ATP2B4: variants seen among roughly 807,000 people sequenced by gnomAD.
ATP2B4 encodes plasma membrane calcium-transporting ATPase 4.
ATP2B4 carries 39 observed loss-of-function variants against 110.3 expected under a neutral mutation model. That is an observed-to-expected ratio of 0.35 (90% CI 0.27 to 0.46). ATP2B4 has a LOEUF of 0.46. ATP2B4 is among the 20% of genes least tolerant of loss of function. The pLI, the probability that ATP2B4 is intolerant of heterozygous loss-of-function variation, is 1.00. For synonymous variants in ATP2B4, 538 were observed against 571.7 expected, an observed-to-expected ratio of 0.94 and a Z score of 0.84; for missense variants, 1,135 against 1,530.9, an observed-to-expected ratio of 0.74 and a Z score of 4.32.
Position 203,739,550 on chromosome 1 carries a change from A to G in ATP2B4, c.3314A>G (p.Lys1105Arg). The G allele has an allele frequency of 3.1e-6, 5 of 1,613,026 alleles. No individual in the cohort carries two copies. The highest frequency in any genetic ancestry group is 4.2e-6 in the Non-Finnish European group (5 of 1,179,380). ...CTTTTCCTTCCCCTGGTATAGATCA[A>G]AGTGGTCAAAGCGTTCCATAGTTCC... ...RGLNRIQTQI[K>R]VVKAFHSSLH... The change falls in exon 21 of 21, where the codon AAA becomes AGA. Residue 1105 changes from lysine (K) to arginine (R), a missense_variant. Around this residue, in one of 9 missense-constraint regions of ATP2B4, gnomAD observed 61 missense variants for 123.4 expected, o/e 0.49. Coordinates refer to ENST00000357681, the MANE Select transcript of ATP2B4 (RefSeq NM_001684.5).
Position 203,682,952 on chromosome 1 carries a change from G to A in ATP2B4, c.-254G>A, listed in dbSNP as rs573934596. ...CTGGGGACACCAATCATCGTGACAC[G>A]GAGTCCACCTTCCACTCAGTTCCCC... On this transcript the variant is annotated 5_prime_UTR_variant, in exon 2 of 21. Transcript: ENST00000357681. The A allele has an allele frequency of 1.7e-5, 7 of 402,530 alleles. No individual in the cohort carries two copies. The highest frequency in any genetic ancestry group is 8.0e-5 in the African/African-American group (4 of 49,798). The allele number at this position is 402,530 out of a possible 1,614,324, so 24.9% of individuals were successfully genotyped here.
At chr1:203,634,494 T>G (rs905142464) in intron 1 of ATP2B4, among the ~76,000 whole-genome samples, 6 of 152,090 alleles carry the variant, frequency 3.9e-5, no homozygotes, top group Non-Finnish European at 7.4e-5. Context: ...AGTGCCAGAC[T>G]GGAACTTTAA....
chr1:203,658,646 A>G (rs1338499063), intron 1 of ATP2B4, among the ~76,000 whole-genome samples: 2 of 152,198 alleles, frequency 1.3e-5, no homozygotes, highest in Admixed American at 6.5e-5. Flanking sequence ...CAGAAATATA[A>G]CAATGTCTAA....
chr1:203,698,360 T>C lies in ATP2B4; in HGVS notation c.391+6T>C. 1 of 1,613,760 alleles carries C rather than the reference T, an allele frequency of 6.2e-7. No individual in the cohort carries two copies. The highest frequency in any genetic ancestry group is 2.2e-5 in the East Asian group (1 of 44,856). ...TGCTGGTGAAGAAAATGAACGTGAGTGTCCTAAACAGCTCAGCGTGACTCT... is the reference window on the plus strand; with the variant it reads ...TGCTGGTGAAGAAAATGAACGTGAGCGTCCTAAACAGCTCAGCGTGACTCT... On this transcript the variant is annotated splice_donor_region_variant and intron_variant, in intron 3 of 20. Transcript: ENST00000357681.
chr1:203,679,060 T>C (rs1664917754), intron 1 of ATP2B4, among the ~76,000 whole-genome samples: 2 of 152,134 alleles, frequency 1.3e-5, no homozygotes, highest in Admixed American at 1.3e-4. Flanking sequence ...TTCTATCCTA[T>C]CATCTCTTAG....
At chr1:203,633,713 GATAAATAA>G (rs59277643) in intron 1 of ATP2B4, among the ~76,000 whole-genome samples, 34 of 144,468 alleles carry the variant, frequency 2.4e-4, no homozygotes, top group African/African-American at 4.8e-4. Flanking sequence ...CTCCATATCA[GATAAATAA>G]ATAAATAAAT....
chr1:203,698,562 C>T lies in ATP2B4; in HGVS notation c.391+208C>T, dbSNP rs1665601761. Reference sequence around the variant, plus strand: ...CAAGGGTTCCTCCCCACCCCACCCTCACCCTCTGTCTTCTATTAAATCCTT... The same window carrying T: ...CAAGGGTTCCTCCCCACCCCACCCTTACCCTCTGTCTTCTATTAAATCCTT... On this transcript the variant is annotated intron_variant, in intron 3 of 20. Coordinates refer to ENST00000357681, the MANE Select transcript of ATP2B4 (RefSeq NM_001684.5). 2.0e-5 allele frequency among the ~76,000 whole-genome samples: 3 copies of T among 152,158 alleles called. No homozygotes were observed. In the South Asian group the frequency reaches 6.2e-4, roughly 31 times the overall value.
In ATP2B4 at chr1:203,732,396, T is replaced by C. The variant is rs527610097; in HGVS notation, c.3309+4825T>C. ...AATGCATTAATGCACTTAGTAGCAT[T>C]CTCGATAGTGGGCTTGGCCACTGGG... On this transcript the variant is annotated intron_variant, in intron 20 of 20. Transcript: ENST00000357681. Among the ~76,000 whole-genome samples the C allele has an allele frequency of 1.2e-4, 19 of 152,206 alleles. No individual in the cohort carries two copies. In the South Asian group the frequency reaches 3.5e-3, roughly 28 times the overall value.
chr1:203,651,929 G>A (rs1664009477), intron 1 of ATP2B4, among the ~76,000 whole-genome samples: 2 of 150,670 alleles, frequency 1.3e-5, no homozygotes. Flanking sequence ...GCATGGTGGT[G>A]GGACGCCTGT....
intron 1 of ATP2B4, among the ~76,000 whole-genome samples, chr1:203,633,649 G>T (rs984961256): frequency 6.6e-6 from 1 of 151,320 alleles, no homozygotes; most frequent in Admixed American, 6.6e-5. Context: ...GGAGGCAGAG[G>T]TTGCAGTAAG....
At chr1:203,655,035 G>T (rs1417857882) in intron 1 of ATP2B4, among the ~76,000 whole-genome samples, 1 of 152,192 alleles carries the variant, frequency 6.6e-6, no homozygotes, top group East Asian at 1.9e-4. Context: ...GGAAATAACT[G>T]TAGATGTGGT....
intron 1 of ATP2B4, among the ~76,000 whole-genome samples, chr1:203,634,965 C>CATTT (rs1210042249): frequency 6.6e-5 from 10 of 151,846 alleles, no homozygotes; most frequent in African/African-American, 2.4e-5. Flanking sequence ...CACCCGGCCC[C>CATTT]ATTTATTTAT....
At position 203,707,888 on chromosome 1, in the gene ATP2B4, A is replaced by G. The variant is rs1377382476; in HGVS notation, c.1341A>G (p.Val447=). The change falls in exon 10 of 21, where the codon GTA becomes GTG. Residue 447 remains valine (V), a synonymous_variant. Transcript: ENST00000357681. ...VKKMMKDNNL[V]RHLDACETMG... Reference sequence around the variant, plus strand: ...AAATGATGAAAGACAATAACCTAGTACGGCACTTGGATGCTTGTGAGACCA... The same window carrying G: ...AAATGATGAAAGACAATAACCTAGTGCGGCACTTGGATGCTTGTGAGACCA... 2 of 1,614,166 alleles carry G rather than the reference A, an allele frequency of 1.2e-6. No individual in the cohort carries two copies. Among genetic ancestry groups the G allele is most frequent in the Admixed American group, 3.3e-5 (2 of 60,032 alleles).
chr1:203,698,082 C>T, intron 2 of ATP2B4, 75 bp from the exon 3 acceptor site: 1 of 1,311,364 alleles, frequency 7.6e-7, no homozygotes, highest in South Asian at 1.2e-5. Context: ...TCATGGCTCA[C>T]TGCCACTTCA....
chr1:203,665,973 C>G (rs1351743439), intron 1 of ATP2B4, among the ~76,000 whole-genome samples: 1 of 152,152 alleles, frequency 6.6e-6, no homozygotes, highest in Non-Finnish European at 1.5e-5. Context: ...GACATGCTCC[C>G]TGAAAAGACC....
intron 15 of ATP2B4, 138 bp from the exon 16 acceptor site, chr1:203,720,411 C>A: frequency 2.5e-6 from 2 of 798,362 alleles, no homozygotes; most frequent in Non-Finnish European, 3.8e-6. Context: ...GACAGTGACA[C>A]ATTTGCTCTT....
intron 1 of ATP2B4, among the ~76,000 whole-genome samples, chr1:203,658,861 G>A (rs1664246542): frequency 6.6e-6 from 1 of 151,938 alleles, no homozygotes; most frequent in Admixed American, 6.6e-5. Context: ...AAAATTAGCT[G>A]GGCGTGGTGG....
At chr1:203,736,472 CAAA>C (rs71566126) in intron 20 of ATP2B4, among the ~76,000 whole-genome samples, 16 of 143,176 alleles carry the variant, frequency 1.1e-4, no homozygotes, top group Admixed American at 2.1e-4. Flanking sequence ...CCATCCCCCC[CAAA>C]AAAAAAAAAG....
chr1:203,658,062 T>C (rs185555192), intron 1 of ATP2B4, among the ~76,000 whole-genome samples: 51 of 152,256 alleles, frequency 3.3e-4, no homozygotes, highest in Middle Eastern at 3.4e-3. Flanking sequence ...TTTTTAACCA[T>C]AAAAACACTT....
Sources: allele counts gnomAD v4.1 joint callset (sites outside exome capture counted in the v4.1 genomes callset), GRCh38; gene constraint gnomAD v4.1.1; regional missense constraint gnomAD v4.1.1; transcripts MANE v1.5; gene names NCBI Gene and HGNC (gene_info 2026-07-23, HGNC 2026-07-21).